The following SVEP1 variants were observed in gnomAD, a reference collection of about 807,000 sequenced individuals.
The protein encoded by SVEP1 is sushi, von Willebrand factor type A, EGF and pentraxin domain-containing protein 1.
SVEP1 carries 164 observed loss-of-function variants against 367.3 expected under a neutral mutation model. The observed-to-expected ratio is 0.45, with a 90% CI of 0.39 to 0.51. SVEP1 has a LOEUF of 0.51. Ranked by LOEUF, SVEP1 falls within the 20% of genes least tolerant of loss-of-function variation. The pLI, the probability that SVEP1 is intolerant of heterozygous loss-of-function variation, is 0.00. For missense variants in SVEP1, 4,117 were observed against 4,425.3 expected (o/e 0.93, Z 1.98); for synonymous variants, 1,666 against 1,611.6 (o/e 1.03, Z -0.81).
chr9:110,422,639 T>C (rs1828177354), intron 36 of SVEP1, among the ~76,000 whole-genome samples: 1 of 109,910 alleles, frequency 9.1e-6, no homozygotes, highest in African/African-American at 3.8e-5. Context: ...CAAAGGACTA[T>C]AAATCATGCT....
At chr9:110,516,126 C>CATTATAATATACTAAATA (rs1219823973) in intron 3 of SVEP1, among the ~76,000 whole-genome samples, 14 of 150,152 alleles carry the variant, frequency 9.3e-5, no homozygotes, top group Middle Eastern at 3.6e-3. Context: ...TATACTAAAT[C>CATTATAATATACTAAATA]ATTATAATAT....
In SVEP1 at chr9:110,579,729, C is replaced by T. The variant is rs776202679; in HGVS notation, c.-186G>A. 3.3e-5 allele frequency: 21 copies of T among 645,078 alleles called. No homozygotes were observed. Among genetic ancestry groups the T allele is most frequent in the Non-Finnish European group, 5.0e-5 (21 of 417,496 alleles). The allele number at this position is 645,078 out of a possible 1,614,324, so 40.0% of individuals were successfully genotyped here. ...TCCAGACTCCTCAGCAGCTCGGGAA[C>T]TCCGGAGGGAACGGCGCGCGCTCTC... On this transcript the variant is annotated 5_prime_UTR_variant, in exon 1 of 48. Coordinates refer to ENST00000374469, the MANE Select transcript of SVEP1 (RefSeq NM_153366.4). The surrounding 1 kb of genome is among the most constrained non-coding windows in gnomAD (Gnocchi z 5.3).
chr9:110,423,448 T>A (rs1156961080), intron 36 of SVEP1, among the ~76,000 whole-genome samples: 1 of 152,030 alleles, frequency 6.6e-6, no homozygotes, highest in Non-Finnish European at 1.5e-5. Flanking sequence ...AAATGACTGA[T>A]TTGGAAAGCT....
At chr9:110,432,857 C>A (rs1425273884) in intron 30 of SVEP1, among the ~76,000 whole-genome samples, 1 of 152,130 alleles carries the variant, frequency 6.6e-6, no homozygotes, top group Non-Finnish European at 1.5e-5. Context: ...AAACATTTAC[C>A]CACTAGACGC....
chr9:110,498,738 TCA>T (rs1297873096), intron 7 of SVEP1, among the ~76,000 whole-genome samples: 3 of 152,242 alleles, frequency 2.0e-5, no homozygotes, highest in Non-Finnish European at 4.4e-5. Flanking sequence ...CAATTCAGTC[TCA>T]CCTGCTTTAT....
Position 110,549,926 on chromosome 9 carries a change from G to A in SVEP1, c.710C>T (p.Thr237Ile), listed in dbSNP as rs1396469105. The change falls in exon 2 of 48, where the codon ACC becomes ATC. Residue 237 changes from threonine (T) to isoleucine (I), a missense_variant. By Grantham distance (89) the Thr-to-Ile change is moderately conservative. Coordinates refer to ENST00000374469, the MANE Select transcript of SVEP1 (RefSeq NM_153366.4). ...CAGGTAACAGTGCTCCTCCTTTGGG[G>A]TGGAAGCCATGTCATTCAGCTCTCG... Reference protein sequence around the residue: ...NIRELNDMASTPKEEHCYLLH... With the variant: ...NIRELNDMASIPKEEHCYLLH... 2.5e-6 allele frequency: 4 copies of A among 1,613,956 alleles called. No individual in the cohort carries two copies. The African/African-American group carries it at 5.3e-5, about 22-fold the overall frequency.
At position 110,408,645 on chromosome 9, in the gene SVEP1, T is replaced by G. The variant is rs1405807891; in HGVS notation, c.6955A>C (p.Met2319Leu). ...KWNKKSNPKC[M>L]PAKCPEPPLL... ...GGCGGCTCTGGGCACTTGGCAGGCA[T>G]GCACTTTGGATTTGACTTCTTATTC... The change falls in exon 38 of 48, where the codon ATG (methionine) becomes CTG (leucine). Residue 2319 changes from methionine to leucine, a missense_variant. Coordinates refer to ENST00000374469, the MANE Select transcript of SVEP1 (RefSeq NM_153366.4). The G allele has an allele frequency of 1.2e-6, 2 of 1,613,874 alleles. No individual in the cohort carries two copies. The highest frequency in any genetic ancestry group is 1.3e-5 in the African/African-American group (1 of 74,928).
At chr9:110,434,666 T>TTAAA (rs1156938869) in intron 29 of SVEP1, among the ~76,000 whole-genome samples, 160 bp from the exon 30 acceptor site, 4 of 40,620 alleles carry the variant, frequency 9.8e-5, no homozygotes, top group Non-Finnish European at 1.7e-4. Flanking sequence ...GCAAAATCAC[T>TTAAA]AAAAAAAAAA....
chr9:110,378,610 C>T (rs1046911229), intron 44 of SVEP1, among the ~76,000 whole-genome samples: 4 of 151,914 alleles, frequency 2.6e-5, no homozygotes, highest in Non-Finnish European at 5.9e-5. Context: ...TAATTAGATC[C>T]CATTTGTCAA....
intron 7 of SVEP1, 79 bp downstream of exon 7, chr9:110,498,962 A>G: frequency 7.9e-7 from 1 of 1,261,828 alleles, no homozygotes; most frequent in Non-Finnish European, 1.1e-6. Flanking sequence ...AAAAGTTGCA[A>G]AGAAGGATTG....
intron 1 of SVEP1, among the ~76,000 whole-genome samples, chr9:110,559,776 T>A (rs542958478): frequency 6.6e-6 from 1 of 152,050 alleles, no homozygotes; most frequent in South Asian, 2.1e-4. Context: ...CCAGAATAAT[T>A]TGCAATAATA....
intron 40 of SVEP1, among the ~76,000 whole-genome samples, chr9:110,398,900 CTG>C (rs1827812496): frequency 6.6e-6 from 1 of 152,196 alleles, no homozygotes. Context: ...GTTGGTGAGA[CTG>C]TAAACTAGTT....
At chr9:110,564,738 T>G (rs2118874555) in intron 1 of SVEP1, among the ~76,000 whole-genome samples, 1 of 151,732 alleles carries the variant, frequency 6.6e-6, no homozygotes, top group Non-Finnish European at 1.5e-5. Context: ...TTCTTATCTT[T>G]AAGAAACTGA....
intron 8 of SVEP1, among the ~76,000 whole-genome samples, chr9:110,490,573 G>T (rs1829352852): frequency 6.6e-6 from 1 of 151,662 alleles, no homozygotes; most frequent in African/African-American, 2.4e-5. Context: ...TGAGATATTT[G>T]TCTTTCTGTG....
chr9:110,414,848 T>C lies in SVEP1; in HGVS notation c.5976-3113A>G, dbSNP rs535633876. ...AGGAAGCATAAATCAGCATCAATAA[T>C]TATGTTTTCAATCATAAAGATTTTT... On this transcript the variant is annotated intron_variant, in intron 36 of 47. Transcript: ENST00000374469. 6.6e-5 allele frequency among the ~76,000 whole-genome samples: 10 copies of C among 152,088 alleles called. No individual in the cohort carries two copies. The South Asian group carries it at 2.1e-3, about 32-fold the overall frequency.
At chr9:110,578,739 T>C (rs1323645084) in intron 1 of SVEP1, among the ~76,000 whole-genome samples, 1 of 152,176 alleles carries the variant, frequency 6.6e-6, no homozygotes, top group Non-Finnish European at 1.5e-5. Context: ...TGAATGTGAT[T>C]AGCGTTTCAA....
chr9:110,435,251 T>C lies in SVEP1; in HGVS notation c.4878A>G (p.Ile1626Met), dbSNP rs753867424. 3.2e-5 allele frequency: 52 copies of C among 1,612,796 alleles called. No homozygotes were observed. The highest frequency in any genetic ancestry group is 4.2e-5 in the Non-Finnish European group (49 of 1,179,180). The change falls in exon 29 of 48, where the codon ATA becomes ATG. Residue 1626 changes from isoleucine (I) to methionine (M), a missense_variant. Ile to Met is a conservative substitution (Grantham distance 10). Coordinates refer to ENST00000374469, the MANE Select transcript of SVEP1 (RefSeq NM_153366.4). ...VGKVKIDSKS[I>M]FCSDCPRLGG... is the part of the protein sequence containing the mutation. ...GAAGGAAATTCTCACCAGAACAAAA[T>C]ATGCTCTTAGAATCGATCTTCACTT...
At chr9:110,477,594 C>T (rs10817029) in intron 13 of SVEP1, among the ~76,000 whole-genome samples, 39,668 of 151,950 alleles carry the variant, frequency 0.26, 5,858 homozygotes, top group Non-Finnish European at 0.32. Flanking sequence ...ATTTTTTTTA[C>T]GCCGATCAAA....
intron 1 of SVEP1, among the ~76,000 whole-genome samples, chr9:110,574,623 C>T (rs74775558): frequency 0.19 from 28,893 of 152,100 alleles, 2,840 homozygotes; most frequent in East Asian, 0.28. Context: ...CATCTTCTAC[C>T]AATTTTCTCT....
Sources: allele counts gnomAD v4.1 joint callset (sites outside exome capture counted in the v4.1 genomes callset), GRCh38; gene constraint gnomAD v4.1.1; non-coding constraint Gnocchi (gnomAD v3.1); transcripts MANE v1.5; gene names NCBI Gene and HGNC (gene_info 2026-07-23, HGNC 2026-07-21).